The following CNTN4 variants were observed in gnomAD, a reference collection of about 807,000 sequenced individuals.
CNTN4 encodes the protein contactin 4.
Under a neutral mutation model 122.5 loss-of-function variants are expected in CNTN4, and 77 were observed. The observed-to-expected ratio is 0.63, with a 90% CI of 0.52 to 0.76. The LOEUF is 0.76. Ranked by LOEUF, CNTN4 falls within the 30% of genes least tolerant of loss-of-function variation. The pLI, the probability that CNTN4 is intolerant of heterozygous loss-of-function variation, is 0.00. For synonymous variants in CNTN4, 512 were observed against 447.0 expected, an observed-to-expected ratio of 1.15 and a Z score of -1.83; for missense variants, 1,256 against 1,259.1, an observed-to-expected ratio of 1.00 and a Z score of 0.04.
At position 3,037,514 on chromosome 3, in the gene CNTN4, CA is replaced by C. The variant is rs1200855868; in HGVS notation, c.2092+188del. 4 of 769,910 alleles carry C rather than the reference CA, an allele frequency of 5.2e-6. No individual in the cohort carries two copies. In the African/African-American group the frequency reaches 6.9e-5, roughly 13 times the overall value. 47.7% of individuals were successfully genotyped at this position (769,910 alleles called of 1,614,324 possible). A position where few individuals can be genotyped will look rare whatever the true frequency, so the allele number is the denominator to read the frequency against. Reference sequence around the variant, plus strand: ...AGCTGAACACGCAACGGGTTTCAATCAAGAGTTGTTTTCTTCATTAGGTCCA... The same window carrying C: ...AGCTGAACACGCAACGGGTTTCAATCAGAGTTGTTTTCTTCATTAGGTCCA... On this transcript the variant is annotated intron_variant, in intron 18 of 24. Transcript: ENST00000418658.
At chr3:2,351,789 T>G (rs1575437409) in intron 3 of CNTN4, among the ~76,000 whole-genome samples, 1 of 145,800 alleles carries the variant, frequency 6.9e-6, no homozygotes, top group South Asian at 2.3e-4. Flanking sequence ...ACAGAAGTAG[T>G]AAAATGATGG....
At chr3:2,514,745 T>C (rs2149097938) in intron 3 of CNTN4, among the ~76,000 whole-genome samples, 1 of 152,326 alleles carries the variant, frequency 6.6e-6, no homozygotes, top group Non-Finnish European at 1.5e-5. Flanking sequence ...AGTTACGAAC[T>C]CATGACATCT....
chr3:2,714,372 A>T (rs1338608345), intron 4 of CNTN4, among the ~76,000 whole-genome samples: 1 of 152,184 alleles, frequency 6.6e-6, no homozygotes, highest in Non-Finnish European at 1.5e-5. Flanking sequence ...AGAAAAATCT[A>T]TGTGTAGCCC....
At chr3:2,615,032 G>A (rs902634961) in intron 4 of CNTN4, among the ~76,000 whole-genome samples, 1 of 151,902 alleles carries the variant, frequency 6.6e-6, no homozygotes, top group African/African-American at 2.4e-5. Context: ...AAGCAGTGAC[G>A]GCTCATTTCC....
chr3:2,512,576 T>C (rs2076919443), intron 3 of CNTN4, among the ~76,000 whole-genome samples: 2 of 152,200 alleles, frequency 1.3e-5, no homozygotes, highest in South Asian at 4.1e-4. Context: ...GATTTGTGGA[T>C]TTTTCTGTTT....
At chr3:2,557,192 C>G (rs896901493) in intron 3 of CNTN4, among the ~76,000 whole-genome samples, 1 of 152,104 alleles carries the variant, frequency 6.6e-6, no homozygotes, top group Non-Finnish European at 1.5e-5. Flanking sequence ...TACAGTTTCT[C>G]CTACCAACAA....
At chr3:2,888,709 TATATTC>T (rs1430955659) in intron 10 of CNTN4, among the ~76,000 whole-genome samples, 1 of 152,086 alleles carries the variant, frequency 6.6e-6, no homozygotes, top group Non-Finnish European at 1.5e-5. Flanking sequence ...GAAATATACA[TATATTC>T]ATATTTATAT....
At chr3:2,213,413 C>A (rs183292107) in intron 2 of CNTN4, among the ~76,000 whole-genome samples, 1 of 152,224 alleles carries the variant, frequency 6.6e-6, no homozygotes, top group African/African-American at 2.4e-5. Flanking sequence ...TTATTTTAAT[C>A]CCAATGCTAA....
At chr3:2,547,006 C>G (rs1003290779) in intron 3 of CNTN4, among the ~76,000 whole-genome samples, 1 of 151,946 alleles carries the variant, frequency 6.6e-6, no homozygotes, top group Non-Finnish European at 1.5e-5. Flanking sequence ...TAATCTGCAC[C>G]AGAACATCTA....
intron 4 of CNTN4, among the ~76,000 whole-genome samples, chr3:2,638,413 T>C (rs949027017): frequency 6.6e-6 from 1 of 152,170 alleles, no homozygotes; most frequent in Non-Finnish European, 1.5e-5. Flanking sequence ...GCCCTTAAAA[T>C]GTAAATCGAA....
chr3:2,344,982 C>T (rs949754420), intron 3 of CNTN4, among the ~76,000 whole-genome samples: 1 of 152,170 alleles, frequency 6.6e-6, no homozygotes, highest in Non-Finnish European at 1.5e-5. Flanking sequence ...CTTTTGATGT[C>T]AGGGAAATAG....
At chr3:2,267,576 A>G (rs2041103365) in intron 2 of CNTN4, among the ~76,000 whole-genome samples, 1 of 152,100 alleles carries the variant, frequency 6.6e-6, no homozygotes, top group East Asian at 1.9e-4. Flanking sequence ...CTTTATAAGA[A>G]AGTGACAATT....
At chr3:2,550,874 A>C (rs1021829158) in intron 3 of CNTN4, among the ~76,000 whole-genome samples, 17 of 152,192 alleles carry the variant, frequency 1.1e-4, no homozygotes, top group African/African-American at 4.1e-4. Flanking sequence ...ACCACATGTT[A>C]TCTCTCATAA....
At chr3:2,295,555 T>A (rs9814653) in intron 2 of CNTN4, among the ~76,000 whole-genome samples, 47,235 of 151,412 alleles carry the variant, frequency 0.31, 7,867 homozygotes, top group East Asian at 0.57. Flanking sequence ...TTTGTTTTAG[T>A]TTATTCTAGA....
Position 2,510,159 on chromosome 3 carries a change from G to C in CNTN4, c.-88-61257G>C, listed in dbSNP as rs2076842563. On this transcript the variant is annotated intron_variant, in intron 3 of 24. Transcript: ENST00000418658. ...AAAGACCCTCCATCCCCAAATTTTTGCCAGTCAAAAAAGCATGACTTTATT... is the reference window on the plus strand; with the variant it reads ...AAAGACCCTCCATCCCCAAATTTTTCCCAGTCAAAAAAGCATGACTTTATT... Among the ~76,000 whole-genome samples, 3 of 152,064 alleles carry C rather than the reference G, an allele frequency of 2.0e-5. No individual in the cohort carries two copies. In the South Asian group the frequency reaches 6.2e-4, roughly 31 times the overall value.
At chr3:2,512,990 G>A (rs190307604) in intron 3 of CNTN4, among the ~76,000 whole-genome samples, 92 of 152,248 alleles carry the variant, frequency 6.0e-4, no homozygotes, top group Admixed American at 1.7e-3. Context: ...ATGAGCACAG[G>A]CATTTTCAGA....
intron 3 of CNTN4, among the ~76,000 whole-genome samples, chr3:2,355,949 CGGGAAGCCACT>C (rs1456904217): frequency 2.0e-5 from 3 of 152,152 alleles, no homozygotes; most frequent in Non-Finnish European, 4.4e-5. Flanking sequence ...ATAACAACAC[CGGGAAGCCACT>C]TCCTTCCTGC....
At chr3:2,419,823 A>G (rs183204523) in intron 3 of CNTN4, among the ~76,000 whole-genome samples, 30 of 152,264 alleles carry the variant, frequency 2.0e-4, no homozygotes, top group Admixed American at 1.8e-3. Context: ...TCCAGGACCC[A>G]TTTTTCTTTT....
rs150465037 is a variant in CNTN4 at position 2,274,263 on chromosome 3, A to G, written c.-144-64915A>G. Among the ~76,000 whole-genome samples the G allele has an allele frequency of 6.4e-3, 980 of 152,144 alleles. 9 individuals carry two copies. The highest frequency in any genetic ancestry group is 0.023 in the African/African-American group (947 of 41,500). ...CCAGGTGTGGTGGTGGGTGCGTGTA[A>G]TCTCAGCTACTCGGGAGACTGAGGC... On this transcript the variant is annotated intron_variant, in intron 2 of 24. Coordinates refer to ENST00000418658, the MANE Select transcript of CNTN4 (RefSeq NM_175607.3).
Sources: allele counts gnomAD v4.1 joint callset (sites outside exome capture counted in the v4.1 genomes callset), GRCh38; gene constraint gnomAD v4.1.1; transcripts MANE v1.5; gene names NCBI Gene and HGNC (gene_info 2026-07-23, HGNC 2026-07-21).